The following RNF17 variants were observed in gnomAD, a reference collection of about 807,000 sequenced individuals.
The protein encoded by RNF17 is spermatogenesis associated 23.
Under a neutral mutation model 200.5 loss-of-function variants are expected in RNF17, and 31 were observed. The observed-to-expected ratio is 0.15, with a 90% CI of 0.12 to 0.21. RNF17 has a LOEUF of 0.21. Among genes scored for constraint, RNF17 ranks in the 10% least tolerant of loss-of-function variants. The probability of loss-of-function intolerance (pLI) is 1.00; values close to 1 mark genes in which losing one functional copy is unlikely to be tolerated. For missense variants in RNF17, 1,628 were observed against 1,905.1 expected, an observed-to-expected ratio of 0.85 and a Z score of 2.71; for synonymous variants, 606 against 637.8, an observed-to-expected ratio of 0.95 and a Z score of 0.75.
chr13:24,817,700 C>G (rs1000250069), intron 15 of RNF17, among the ~76,000 whole-genome samples: 1 of 149,506 alleles, frequency 6.7e-6, no homozygotes, highest in African/African-American at 2.5e-5. Context: ...GCCTGGGTGA[C>G]AGCAAGACTT....
chr13:24,861,118 A>C (rs757374047), intron 26 of RNF17, 150 bp from the exon 27 acceptor site: 8 of 557,838 alleles, frequency 1.4e-5, no homozygotes, highest in Non-Finnish European at 2.4e-5. Context: ...GGCTCAAACA[A>C]TCCACCCACC....
intron 3 of RNF17, 111 bp from the exon 4 acceptor site, chr13:24,778,184 C>T: frequency 1.5e-6 from 1 of 661,288 alleles, no homozygotes; most frequent in Non-Finnish European, 2.6e-6. Flanking sequence ...ATCGCTGGAG[C>T]CTGGGAAGTC....
intron 23 of RNF17, 32 bp downstream of exon 23, chr13:24,850,475 TC>T: frequency 7.7e-7 from 1 of 1,298,574 alleles, no homozygotes; most frequent in Admixed American, 1.7e-5. Context: ...GTGCTGATGA[TC>T]TCATTAATGT....
chr13:24,874,060 TAA>T (rs1894594619), intron 32 of RNF17, 52 bp from the exon 33 acceptor site: 2 of 1,586,556 alleles, frequency 1.3e-6, no homozygotes, highest in East Asian at 4.5e-5. Flanking sequence ...TCCTTTGGAT[TAA>T]AAAAATTTAA....
intron 33 of RNF17, 78 bp downstream of exon 33, chr13:24,874,327 C>G (rs1894625413): frequency 1.6e-6 from 2 of 1,248,398 alleles, no homozygotes; most frequent in Non-Finnish European, 2.1e-6. Flanking sequence ...ATTTTTGCCT[C>G]TTTTAAAAGA....
chr13:24,757,198 C>A, the RNF17 span, among the ~76,000 whole-genome samples: 1 of 29,320 alleles, frequency 3.4e-5, no homozygotes, highest in South Asian at 1.8e-3. Context: ...AAAAGAGATA[C>A]AGAACAGTCC....
At chr13:24,779,911 G>A (rs1454021939) in intron 5 of RNF17, among the ~76,000 whole-genome samples, 164 bp downstream of exon 5, 2 of 152,156 alleles carry the variant, frequency 1.3e-5, no homozygotes, top group South Asian at 2.1e-4. Context: ...GCCAAGATTG[G>A]TCTTGTAACA....
intron 16 of RNF17, among the ~76,000 whole-genome samples, chr13:24,827,557 C>A (rs1888819416): frequency 6.6e-6 from 1 of 151,346 alleles, no homozygotes; most frequent in African/African-American, 2.4e-5. Flanking sequence ...AAAAAATTAG[C>A]CGGGCGTAGT....
rs144903853 is a variant in RNF17 at position 24,858,660 on chromosome 13, A to G, written c.3611-341A>G. Among the ~76,000 whole-genome samples the G allele has an allele frequency of 2.1e-3, 320 of 151,908 alleles. 2 individuals are homozygous for G. Among genetic ancestry groups the G allele is most frequent in the African/African-American group, 7.5e-3 (311 of 41,506 alleles). On this transcript the variant is annotated intron_variant, in intron 25 of 35. Coordinates refer to ENST00000255324, the MANE Select transcript of RNF17 (RefSeq NM_031277.3). ...AATTGAAATTTTAATTTATATTGCC[A>G]TCATCATACTGTATCTAAGCAACAA...
chr13:24,774,988 T>C, intron 3 of RNF17, 84 bp downstream of exon 3: 1 of 908,924 alleles, frequency 1.1e-6, no homozygotes, highest in Non-Finnish European at 1.7e-6. Context: ...AATGTCATCC[T>C]TAAGTCTGCA....
At chr13:24,789,447 G>T in intron 8 of RNF17, 23 bp downstream of exon 8, 1 of 1,472,778 alleles carries the variant, frequency 6.8e-7, no homozygotes, top group South Asian at 1.2e-5. Context: ...TAGTTCAGGA[G>T]ACCATAACAA....
chr13:24,796,570 TTA>T (rs1884602801), intron 11 of RNF17, among the ~76,000 whole-genome samples: 3 of 152,170 alleles, frequency 2.0e-5, no homozygotes, highest in African/African-American at 7.2e-5. Context: ...CCATGACAGA[TTA>T]TATAGCCTGT....
chr13:24,775,205 A>G (rs1482930271), intron 3 of RNF17, among the ~76,000 whole-genome samples: 1 of 152,228 alleles, frequency 6.6e-6, no homozygotes, highest in East Asian at 1.9e-4. Flanking sequence ...TTATAGAGAA[A>G]AAAAGTAACT....
chr13:24,824,255 G>T, intron 15 of RNF17: 1 of 707,194 alleles, frequency 1.4e-6, no homozygotes. Context: ...TTTCTGTATT[G>T]GAAGAAGAAC....
At chr13:24,794,173 T>C (rs1376000788) in intron 10 of RNF17, 6 of 456,448 alleles carry the variant, frequency 1.3e-5, no homozygotes, top group African/African-American at 4.0e-5. Context: ...ACAGATGATC[T>C]TGGGGAGACA....
At chr13:24,749,982 C>A in the RNF17 span, among the ~76,000 whole-genome samples, 1 of 152,122 alleles carries the variant, frequency 6.6e-6, no homozygotes, top group South Asian at 2.1e-4. Flanking sequence ...AAACTCCTTA[C>A]CTCAAGTGAT....
At chr13:24,764,158 C>G (rs759597959), upstream of RNF17, 26 of 1,536,310 alleles carry the variant, frequency 1.7e-5, no homozygotes, top group Admixed American at 4.7e-4. Context: ...CCGCGAGGGC[C>G]GCCGGGACTC....
chr13:24,812,478 G>A (rs1193626966), intron 15 of RNF17, among the ~76,000 whole-genome samples: 5 of 152,086 alleles, frequency 3.3e-5, no homozygotes, highest in Middle Eastern at 3.2e-3. Context: ...CCCGAGTGAG[G>A]CAATGCCTCG....
At chr13:24,861,123 C>T in intron 26 of RNF17, 145 bp from the exon 27 acceptor site, 1 of 573,916 alleles carries the variant, frequency 1.7e-6, no homozygotes, top group Non-Finnish European at 2.8e-6. Context: ...AAACAATCCA[C>T]CCACCTCTGC....
Sources: allele counts gnomAD v4.1 joint callset (sites outside exome capture counted in the v4.1 genomes callset), GRCh38; gene constraint gnomAD v4.1.1; transcripts MANE v1.5; gene names NCBI Gene and HGNC (gene_info 2026-07-23, HGNC 2026-07-21).